Variants in ANO8 observed in about 807,000 individuals in gnomAD.
ANO8 encodes anoctamin-8.
In ANO8, 67 loss-of-function variants were observed where a neutral mutation model predicts 120.4. The ratio of observed to expected loss-of-function variants is 0.56; its 90% confidence interval spans 0.46 to 0.68. The LOEUF is 0.68. Among genes scored for constraint, ANO8 ranks in the 30% least tolerant of loss-of-function variants. The probability of loss-of-function intolerance (pLI) is 0.00; values close to 1 mark genes in which losing one functional copy is unlikely to be tolerated. For synonymous variants in ANO8, 727 were observed against 759.2 expected, an observed-to-expected ratio of 0.96 and a Z score of 0.70; for missense variants, 1,526 against 1,737.6, an observed-to-expected ratio of 0.88 and a Z score of 2.16.
chr19:17,329,116 GC>G, intron 12 of ANO8, 133 bp from the exon 13 acceptor site: 1 of 688,858 alleles, frequency 1.5e-6, no homozygotes, highest in Non-Finnish European at 2.2e-6. Flanking sequence ...TCCTAACTCC[GC>G]TGCTTTGGAC....
Position 17,328,744 on chromosome 19 carries a change from C to T in ANO8, c.1644G>A (p.Gly548=). The change falls in exon 13 of 18, where the codon GGG becomes GGA. Residue 548 remains glycine, a synonymous_variant. Coordinates refer to ENST00000159087, the MANE Select transcript of ANO8 (RefSeq NM_020959.3). The stretch of plus-strand genomic sequence containing the variant: ...CCTCCTCCTCCGGCGCCCCGCAGCC[C>T]CCGCTGAGGCACCTGCGGCCCCCGC... ...SGGGGRRCLS[G]GCGAPEEEEE... is the part of the protein sequence containing the mutation. The T allele has an allele frequency of 1.5e-6, 2 of 1,341,590 alleles. No homozygotes were observed. The highest frequency in any genetic ancestry group is 1.9e-6 in the Non-Finnish European group (2 of 1,050,710). 83.1% of individuals were successfully genotyped at this position (1,341,590 alleles called of 1,614,324 possible). A position where few individuals can be genotyped will look rare whatever the true frequency, so the allele number is the denominator to read the frequency against.
At chr19:17,332,553 G>A (rs760703630) in intron 5 of ANO8, among the ~76,000 whole-genome samples, 30 of 152,116 alleles carry the variant, frequency 2.0e-4, no homozygotes, top group Non-Finnish European at 3.4e-4. Context: ...TGCTGTCCAT[G>A]GTTCCTGCCT....
In ANO8 at chr19:17,332,896, T is replaced by G. The variant is rs201502684; in HGVS notation, c.586+34A>C. 3.3e-4 allele frequency: 536 copies of G among 1,610,790 alleles called. 1 individual carries two copies. The African/African-American group carries it at 6.5e-3, about 19-fold the overall frequency. ...CTTTGAAGAGCTCCACCCAACTCTC[T>G]GCCTGTGATTGGTGTTGACCCCGCC... On this transcript the variant is annotated intron_variant, in intron 5 of 17. Coordinates refer to ENST00000159087, the MANE Select transcript of ANO8 (RefSeq NM_020959.3).
Position 17,330,267 on chromosome 19 carries a change from G to A in ANO8, c.1147-16C>T. The A allele has an allele frequency of 6.2e-7, 1 of 1,613,878 alleles. No homozygotes were observed. The highest frequency in any genetic ancestry group is 8.5e-7 in the Non-Finnish European group (1 of 1,179,972). ...GCACCAGCTCCTGCGGGAGAAGGGG[G>A]TTCAGGGCTCATCCCAGCTGCAGGG... On this transcript the variant is annotated splice_polypyrimidine_tract_variant and intron_variant, in intron 9 of 17. Coordinates refer to ENST00000159087, the MANE Select transcript of ANO8 (RefSeq NM_020959.3).
At position 17,334,689 on chromosome 19, in the gene ANO8, C is replaced by G; in HGVS notation, c.-19G>C. 7.2e-7 allele frequency: 1 copy of G among 1,386,160 alleles called. No individual in the cohort carries two copies. Among genetic ancestry groups the G allele is most frequent in the Non-Finnish European group, 9.3e-7 (1 of 1,079,284 alleles). The allele number at this position is 1,386,160 out of a possible 1,614,324, so 85.9% of individuals were successfully genotyped here. A position where few individuals can be genotyped will look rare whatever the true frequency, so the allele number is the denominator to read the frequency against. ...CGGCCATGGCGAGGACAGGTCAGGT[C>G]AGGGGCTACGGACGGCCCGGGCGAC... On this transcript the variant is annotated 5_prime_UTR_variant, in exon 1 of 18. An upstream open reading frame in the 5' UTR loses its in-frame stop. Coordinates refer to ENST00000159087, the MANE Select transcript of ANO8 (RefSeq NM_020959.3).
chr19:17,323,558 G>C lies in ANO8; in HGVS notation c.3658C>G (p.Pro1220Ala), dbSNP rs1034523765. 6 of 1,293,030 alleles carry C rather than the reference G, an allele frequency of 4.6e-6. No homozygotes were observed. In the East Asian group the frequency reaches 1.7e-4, roughly 36 times the overall value. The allele number at this position is 1,293,030 out of a possible 1,614,324, so 80.1% of individuals were successfully genotyped here. ...ETPAPSPSPS[P>A]SPQAVCWPSG... ...GGCCAGCACACGGCCTGGGGGCTGG[G>C]GCTGGGGCTAGGGGAGGGCGCTGGG... Residue 1220 changes from proline to alanine, a missense_variant, in exon 18 of 18, where the codon CCC (proline) becomes GCC (alanine). Around this residue, in one of 8 missense-constraint regions of ANO8, gnomAD observed 489 missense variants for 548.6 expected, o/e 0.89. Transcript: ENST00000159087.
At chr19:17,331,526 G>A in intron 5 of ANO8, 115 bp from the exon 6 acceptor site, 1 of 865,896 alleles carries the variant, frequency 1.2e-6, no homozygotes, top group Non-Finnish European at 1.9e-6. Context: ...AACCTCTAGA[G>A]CTCTTTCCAG....
Position 17,328,415 on chromosome 19 carries a change from T to C in ANO8, c.1973A>G (p.Glu658Gly). The change falls in exon 13 of 18, where the codon GAG (glutamate) becomes GGG (glycine). Residue 658 changes from glutamate (E) to glycine (G), a missense_variant. By Grantham distance (98) the Glu-to-Gly change is moderately conservative. Transcript: ENST00000159087. The stretch of plus-strand genomic sequence containing the variant: ...AGCCCCCTCCGCCTCGTCGTCCTCC[T>C]CGGCCAGGGTGAACACTCCCGGCTC... ...GLEPGVFTLA[E>G]EDDEAEGAPG... The C allele has an allele frequency of 6.6e-7, 1 of 1,524,378 alleles. No individual in the cohort carries two copies. The highest frequency in any genetic ancestry group is 8.8e-7 in the Non-Finnish European group (1 of 1,134,762). 94.4% of individuals were successfully genotyped at this position (1,524,378 alleles called of 1,614,324 possible).
At chr19:17,327,391 C>A in intron 15 of ANO8, 46 bp from the exon 16 acceptor site, 1 of 1,557,414 alleles carries the variant, frequency 6.4e-7, no homozygotes, top group Non-Finnish European at 8.7e-7. Context: ...GACGCTGGGG[C>A]CGCCCTCTCG....
chr19:17,334,704 GC>G lies in ANO8; in HGVS notation c.-35del. The G allele has an allele frequency of 1.5e-6, 2 of 1,347,506 alleles. No homozygotes were observed. Among genetic ancestry groups the G allele is most frequent in the South Asian group, 3.6e-5 (2 of 56,124 alleles). 83.5% of individuals were successfully genotyped at this position (1,347,506 alleles called of 1,614,324 possible). On this transcript the variant is annotated 5_prime_UTR_variant, in exon 1 of 18. The change abolishes the stop of an existing upstream ORF in the 5' untranslated region. Coordinates refer to ENST00000159087, the MANE Select transcript of ANO8 (RefSeq NM_020959.3). ...CAGGTCAGGTCAGGGGCTACGGACG[GC>G]CCGGGCGACGGGGAGCCGCGGGCTC...
chr19:17,328,431 C>A lies in ANO8; in HGVS notation c.1957G>T (p.Val653Leu), dbSNP rs1192141226. ...TCGTCCTCCTCGGCCAGGGTGAACA[C>A]TCCCGGCTCCAGCCCCTTCTCCACC... The part of the protein sequence containing the change: ...TMVEKGLEPG[V>L]FTLAEEDDEA... Residue 653 changes from valine to leucine, a missense_variant, in exon 13 of 18, where the codon GTG becomes TTG. By Grantham distance (32) the Val-to-Leu change is conservative. Coordinates refer to ENST00000159087, the MANE Select transcript of ANO8 (RefSeq NM_020959.3). 6.3e-7 allele frequency: 1 copy of A among 1,576,098 alleles called. No individual in the cohort carries two copies. Among genetic ancestry groups the A allele is most frequent in the Non-Finnish European group, 8.6e-7 (1 of 1,166,836 alleles).
At chr19:17,326,690 T>C (rs1437811829) in intron 16 of ANO8, among the ~76,000 whole-genome samples, 1 of 152,126 alleles carries the variant, frequency 6.6e-6, no homozygotes, top group East Asian at 1.9e-4. Context: ...ACAAAGGACA[T>C]TGTCATCCTC....
Position 17,331,428 on chromosome 19 carries a change from A to G in ANO8, c.587-17T>C. The G allele has an allele frequency of 6.8e-6, 11 of 1,609,944 alleles. No individual in the cohort carries two copies. Among genetic ancestry groups the G allele is most frequent in the Admixed American group, 1.7e-5 (1 of 60,014 alleles). ...GCTCCGGGACTGTGGAGGGAGGAGC[A>G]CAGGTGATCCCCGCCCCTCCACCTG... On this transcript the variant is annotated splice_polypyrimidine_tract_variant and intron_variant, in intron 5 of 17. Transcript: ENST00000159087.
rs545922829 is a variant in ANO8, at chr19:17,329,783, G to A, written c.1378C>T (p.Leu460Phe). 4 of 1,613,386 alleles carry A rather than the reference G, an allele frequency of 2.5e-6. No individual in the cohort carries two copies. The highest frequency in any genetic ancestry group is 1.3e-5 in the African/African-American group (1 of 75,022). ...TCTTTCAAGCGCTCCATGTCCTTGAGGTAGAAACCGATGTAGAAGAGGCTC... is the reference window on the plus strand; with the variant it reads ...TCTTTCAAGCGCTCCATGTCCTTGAAGTAGAAACCGATGTAGAAGAGGCTC... Reference protein sequence around the residue: ...YLSLFYIGFYLKDMERLKEML... With the variant: ...YLSLFYIGFYFKDMERLKEML... Residue 460 changes from leucine to phenylalanine, a missense_variant, in exon 12 of 18, where the codon CTC (leucine) becomes TTC (phenylalanine). Physicochemically the swap from Leu to Phe is conservative, Grantham distance 22 (BLOSUM62 0). Around this residue, in one of 8 missense-constraint regions of ANO8, gnomAD observed 23 missense variants for 53.3 expected, o/e 0.43. Transcript: ENST00000159087.
chr19:17,323,529 G>C lies in ANO8; in HGVS notation c.3687C>G (p.Ser1229Arg). ...AGGGCGGGTAGAGCTAATGCCAGCC[G>C]CTGGGCCAGCACACGGCCTGGGGGC... is the stretch of plus-strand genomic sequence containing the variant. ...SPSPQAVCWP[S>R]GWH The change falls in exon 18 of 18, where the codon AGC becomes AGG. Residue 1229 changes from serine (S) to arginine (R), a missense_variant. By Grantham distance (110) the Ser-to-Arg change is moderately radical. Coordinates refer to ENST00000159087, the MANE Select transcript of ANO8 (RefSeq NM_020959.3). The C allele has an allele frequency of 7.7e-7, 1 of 1,293,246 alleles. No homozygotes were observed. The highest frequency in any genetic ancestry group is 9.8e-7 in the Non-Finnish European group (1 of 1,020,180). 80.1% of individuals were successfully genotyped at this position (1,293,246 alleles called of 1,614,324 possible).
At chr19:17,331,517 A>G in intron 5 of ANO8, 106 bp from the exon 6 acceptor site, 1 of 940,384 alleles carries the variant, frequency 1.1e-6, no homozygotes, top group Admixed American at 1.8e-5. Context: ...CTGCTCTTAA[A>G]CCTCTAGAGC....
In ANO8 at chr19:17,331,338, G is replaced by A; in HGVS notation, c.660C>T (p.Leu220=). The A allele has an allele frequency of 1.2e-6, 2 of 1,614,152 alleles. No homozygotes were observed. Among genetic ancestry groups the A allele is most frequent in the East Asian group, 2.2e-5 (1 of 44,882 alleles). The part of the protein sequence containing the change: ...PVHEQRILNR[L]MKSWVQAVCE... ...ACACGGCCTGCACCCATGACTTCAT[G>A]AGGCGGTTCAGAATACGCTGCTCGT... Residue 220 remains leucine (L), a synonymous_variant, in exon 6 of 18, where the codon CTC becomes CTT. Transcript: ENST00000159087.
At position 17,333,774 on chromosome 19, in the gene ANO8, G is replaced by A; in HGVS notation, c.133C>T (p.Gln45Ter). 6.2e-7 allele frequency: 1 copy of A among 1,604,748 alleles called. No individual in the cohort carries two copies. Among genetic ancestry groups the A allele is most frequent in the Non-Finnish European group, 8.5e-7 (1 of 1,176,798 alleles). The change falls in exon 2 of 18, where the codon CAG (glutamine) becomes TAG (stop). Residue 45 changes from glutamine (Q) to a stop codon, truncating the protein, a stop_gained. Coordinates refer to ENST00000159087, the MANE Select transcript of ANO8 (RefSeq NM_020959.3). LOFTEE classifies it high-confidence loss of function. This position sits in a 1 kb window ranked among gnomAD's most constrained non-coding sequence, Gnocchi z 7.2. ...LDKLFGKRLLQAGRYLVSHKA... is the reference protein window; with the variant it reads ...LDKLFGKRLL ...TGGGACACCAGGTAGCGACCAGCCT[G>A]CAGGAGCCGCTTTCCGAAAAGCTTA...
chr19:17,323,842 CGGGTGCGGA>C lies in ANO8; in HGVS notation c.3365_3373del (p.Leu1122_Thr1124del), dbSNP rs1354642230. ...CGGCGGCGCGGGGCTCCGGCTGCGG[CGGGTGCGGA>C]GGGCAGGGGCGCCCACGGGGGCCAG... On this transcript the variant is annotated inframe_deletion, in exon 18 of 18. Coordinates refer to ENST00000159087, the MANE Select transcript of ANO8 (RefSeq NM_020959.3). The C allele has an allele frequency of 4.4e-6, 5 of 1,127,324 alleles. No individual in the cohort carries two copies. The highest frequency in any genetic ancestry group is 5.4e-6 in the Non-Finnish European group (5 of 921,152). 69.8% of individuals were successfully genotyped at this position (1,127,324 alleles called of 1,614,324 possible).
Sources: gnomAD v4.1 joint callset for allele counts (sites outside exome capture counted in the v4.1 genomes callset) on GRCh38, gnomAD v4.1.1 for gene constraint, gnomAD v4.1.1 regional missense constraint, Gnocchi (gnomAD v3.1) non-coding constraint, MANE v1.5 for transcripts, NCBI Gene and HGNC (gene_info 2026-07-23, HGNC 2026-07-21) for gene names.